The following DVL3 variants were observed in gnomAD, a reference collection of about 807,000 sequenced individuals.
DVL3 encodes the protein segment polarity protein dishevelled homolog DVL-3.
DVL3 carries 27 observed loss-of-function variants against 67.4 expected under a neutral mutation model. The observed-to-expected ratio is 0.40, with a 90% CI of 0.30 to 0.55. The LOEUF (loss-of-function observed/expected upper bound fraction) is 0.55. DVL3 is among the 20% of genes least tolerant of loss of function. The pLI is 0.46. For synonymous variants in DVL3, 369 were observed against 396.8 expected (o/e 0.93, Z 0.83); for missense variants, 819 against 1,021.5 (o/e 0.80, Z 2.70).
At chr3:184,156,492 G>A (rs181685831) in intron 1 of DVL3, 22 of 456,704 alleles carry the variant, frequency 4.8e-5, no homozygotes, top group African/African-American at 4.0e-4. Context: ...TCCAGTTGGT[G>A]GCCAGTGGAG....
Position 184,155,378 on chromosome 3 carries a change from G to C in DVL3, c.-258G>C, listed in dbSNP as rs2109016527. 6.7e-6 allele frequency: 1 copy of C among 149,880 alleles called. No homozygotes were observed. The highest frequency in any genetic ancestry group is 1.9e-4 in the South Asian group (1 of 5,248). The allele number at this position is 149,880 out of a possible 1,614,324, so 9.3% of individuals were successfully genotyped here. A position where few individuals can be genotyped will look rare whatever the true frequency, so the allele number is the denominator to read the frequency against. On this transcript the variant is annotated 5_prime_UTR_variant, in exon 1 of 15. Transcript: ENST00000313143. This position sits in a 1 kb window ranked among gnomAD's most constrained non-coding sequence, Gnocchi z 5.4. ...GGGAGCGGGCCCGGACGAAGCCCTG[G>C]GCCGGGAGGGCCGCGGCCACCGGAA...
chr3:184,166,903 G>A lies in DVL3; in HGVS notation c.1126G>A (p.Gly376Ser), dbSNP rs765766078. Residue 376 changes from glycine (G) to serine (S), a missense_variant, in exon 11 of 15, where the codon GGC becomes AGC. Physicochemically the swap from Gly to Ser is moderately conservative, Grantham distance 56. This residue lies in a region of DVL3 where 110 missense variants were observed against 203.4 expected (regional missense o/e 0.54). Transcript: ENST00000313143. The surrounding 1 kb of genome is among the most constrained non-coding windows in gnomAD (Gnocchi z 6.7). ...CATGACCGGCACCTTCCCTGCATAC[G>A]GCATGAGCCCCTCCCTGAGCACCAT... ...AAMTGTFPAY[G>S]MSPSLSTITS... is the part of the protein sequence containing the mutation. The A allele has an allele frequency of 4.3e-6, 7 of 1,614,028 alleles. No individual in the cohort carries two copies. The highest frequency in any genetic ancestry group is 2.2e-5 in the East Asian group (1 of 44,862).
chr3:184,165,174 C>T lies in DVL3; in HGVS notation c.661C>T (p.Arg221Trp), dbSNP rs76594728. 6.2e-6 allele frequency: 10 copies of T among 1,602,990 alleles called. No homozygotes were observed. Among genetic ancestry groups the T allele is most frequent in the East Asian group, 2.2e-5 (1 of 44,804 alleles). Residue 221 changes from arginine (R) to tryptophan (W), a missense_variant, in exon 6 of 15, where the codon CGG becomes TGG. Physicochemically the swap from Arg to Trp is moderately radical, Grantham distance 101. Around this residue, in one of 3 missense-constraint regions of DVL3, gnomAD observed 385 missense variants for 486.8 expected, o/e 0.79. Coordinates refer to ENST00000313143, the MANE Select transcript of DVL3 (RefSeq NM_004423.4). This position sits in a 1 kb window ranked among gnomAD's most constrained non-coding sequence, Gnocchi z 4.1. ...SRLMRRHKRR[R>W]RKQKVSRIER... ...CCTGATGAGAAGACACAAGCGGCGG[C>T]GGCGGAAGCAGAAGGTTTCTCGGAT...
rs1037961081 is a variant in DVL3, at chr3:184,167,041, C to G, written c.1198+66C>G. On this transcript the variant is annotated intron_variant, in intron 11 of 14. Coordinates refer to ENST00000313143, the MANE Select transcript of DVL3 (RefSeq NM_004423.4). This position sits in a 1 kb window ranked among gnomAD's most constrained non-coding sequence, Gnocchi z 4.6. ...CCAGGTGGGGGGACTGATGAGGGTC[C>G]ATGTGGAGACTCTTGCTTGAGCATC... The G allele has an allele frequency of 5.1e-6, 8 of 1,563,352 alleles. No individual in the cohort carries two copies. In the African/African-American group the frequency reaches 1.1e-4, roughly 21 times the overall value.
intron 1 of DVL3, among the ~76,000 whole-genome samples, chr3:184,162,504 G>A (rs1275906009): frequency 6.6e-6 from 1 of 151,504 alleles, no homozygotes; most frequent in African/African-American, 2.4e-5. Context: ...TATCATAATG[G>A]CATGTGGAAA....
Position 184,171,637 on chromosome 3 carries a change from G to A in DVL3, c.*882G>A. ...GGAGGCCCAGCCTCCGAGGAGACCA[G>A]GAACCCTGCTTCAGCAGCCCCTCAG... On this transcript the variant is annotated 3_prime_UTR_variant, in exon 15 of 15. Transcript: ENST00000313143. 1.0e-6 allele frequency: 1 copy of A among 980,392 alleles called. No individual in the cohort carries two copies. Among genetic ancestry groups the A allele is most frequent in the Non-Finnish European group, 1.2e-6 (1 of 824,938 alleles). The allele number at this position is 980,392 out of a possible 1,614,324, so 60.7% of individuals were successfully genotyped here. A position where few individuals can be genotyped will look rare whatever the true frequency, so the allele number is the denominator to read the frequency against.
In DVL3 at chr3:184,171,069, A is replaced by C; in HGVS notation, c.*314A>C. 6 of 1,259,740 alleles carry C rather than the reference A, an allele frequency of 4.8e-6. No homozygotes were observed. The highest frequency in any genetic ancestry group is 4.4e-5 in the East Asian group (1 of 22,584). The allele number at this position is 1,259,740 out of a possible 1,614,324, so 78.0% of individuals were successfully genotyped here. A position where few individuals can be genotyped will look rare whatever the true frequency, so the allele number is the denominator to read the frequency against. On this transcript the variant is annotated 3_prime_UTR_variant, in exon 15 of 15. Coordinates refer to ENST00000313143, the MANE Select transcript of DVL3 (RefSeq NM_004423.4). ...CCCCTTACTCCCCTCTGCAACCCCC[A>C]TTTTGGGAGTTGACCCCAGCAATGA...
intron 1 of DVL3, among the ~76,000 whole-genome samples, chr3:184,162,748 A>G (rs1237674255): frequency 3.9e-5 from 6 of 152,010 alleles, no homozygotes; most frequent in Admixed American, 3.9e-4. Context: ...GCTTGACTCC[A>G]AAATCCATAC....
At position 184,166,044 on chromosome 3, in the gene DVL3, C is replaced by T. The variant is rs958858627; in HGVS notation, c.764-82C>T. The T allele has an allele frequency of 1.1e-5, 17 of 1,533,526 alleles. No individual in the cohort carries two copies. Among genetic ancestry groups the T allele is most frequent in the African/African-American group, 2.8e-5 (2 of 72,098 alleles). The allele number at this position is 1,533,526 out of a possible 1,614,324, so 95.0% of individuals were successfully genotyped here. A position where few individuals can be genotyped will look rare whatever the true frequency, so the allele number is the denominator to read the frequency against. On this transcript the variant is annotated intron_variant, in intron 7 of 14. Transcript: ENST00000313143. This position sits in a 1 kb window ranked among gnomAD's most constrained non-coding sequence, Gnocchi z 6.7. Reference sequence around the variant, plus strand: ...GGATCAGCAAATGTCAGTTCAGTTCCTGTCCCTTTCCATTTTCTAATGGGC... The same window carrying T: ...GGATCAGCAAATGTCAGTTCAGTTCTTGTCCCTTTCCATTTTCTAATGGGC...
In DVL3 at chr3:184,170,011, G is replaced by A. The variant is rs574269500; in HGVS notation, c.1504G>A (p.Ala502Thr). 4.4e-6 allele frequency: 7 copies of A among 1,604,482 alleles called. No individual in the cohort carries two copies. Among genetic ancestry groups the A allele is most frequent in the South Asian group, 3.3e-5 (3 of 90,190 alleles). ...YIFGDLCGNMANLSLHDHDGS... is the reference protein window; with the variant it reads ...YIFGDLCGNMTNLSLHDHDGS... The stretch of plus-strand genomic sequence containing the variant: ...TCCGGCCCTCCCCTTCACAGACATG[G>A]CCAACCTGTCTCTCCACGATCACGA... The change falls in exon 14 of 15, where the codon GCC becomes ACC. Residue 502 changes from alanine to threonine, a missense_variant. Around this residue, in one of 3 missense-constraint regions of DVL3, gnomAD observed 324 missense variants for 331.3 expected, o/e 0.98. Coordinates refer to ENST00000313143, the MANE Select transcript of DVL3 (RefSeq NM_004423.4). The surrounding 1 kb of genome is among the most constrained non-coding windows in gnomAD (Gnocchi z 6.5).
chr3:184,166,995 T>C lies in DVL3; in HGVS notation c.1198+20T>C, dbSNP rs1369949388. The C allele has an allele frequency of 6.2e-7, 1 of 1,612,862 alleles. No individual in the cohort carries two copies. The highest frequency in any genetic ancestry group is 2.2e-5 in the East Asian group (1 of 44,884). On this transcript the variant is annotated intron_variant, in intron 11 of 14. Coordinates refer to ENST00000313143, the MANE Select transcript of DVL3 (RefSeq NM_004423.4). The surrounding 1 kb of genome is among the most constrained non-coding windows in gnomAD (Gnocchi z 6.7). ...CAGAGCGTGAGTGTCCCACCCTGTCTCCTGGGCCCAGCAGACAGGGCCAGG... is the reference window on the plus strand; with the variant it reads ...CAGAGCGTGAGTGTCCCACCCTGTCCCCTGGGCCCAGCAGACAGGGCCAGG...
Position 184,166,837 on chromosome 3 carries a change from C to T in DVL3, c.1060C>T (p.Arg354Trp), listed in dbSNP as rs201442250. 5.0e-6 allele frequency: 8 copies of T among 1,614,006 alleles called. No homozygotes were observed. In the Admixed American group the frequency reaches 8.3e-5, roughly 17 times the overall value. Residue 354 changes from arginine (R) to tryptophan (W), a missense_variant, in exon 11 of 15, where the codon CGG (arginine) becomes TGG (tryptophan). Coordinates refer to ENST00000313143, the MANE Select transcript of DVL3 (RefSeq NM_004423.4). This position sits in a 1 kb window ranked among gnomAD's most constrained non-coding sequence, Gnocchi z 6.7. ...CFTLPRSEPI[R>W]PIDPAAWVSH... The stretch of plus-strand genomic sequence containing the variant: ...CATCCTCCCTGCAGGCGAGCCCATC[C>T]GGCCCATTGACCCTGCGGCCTGGGT...
chr3:184,164,496 C>T lies in DVL3; in HGVS notation c.358C>T (p.His120Tyr), dbSNP rs1714494923. Residue 120 changes from histidine (H) to tyrosine (Y), a missense_variant, in exon 4 of 15, where the codon CAT (histidine) becomes TAT (tyrosine). By Grantham distance (83) the His-to-Tyr change is moderately conservative. This residue lies in a region of DVL3 where 385 missense variants were observed against 486.8 expected (regional missense o/e 0.79). Transcript: ENST00000313143. The surrounding 1 kb of genome is among the most constrained non-coding windows in gnomAD (Gnocchi z 5.3). ...GDSRPPSFHP[H>Y]AGGGSQENLD... ...CATCAAGTCTCTTCCCTGCAGCCCT[C>T]ATGCTGGTGGGGGCAGCCAGGAGAA... 6.3e-7 allele frequency: 1 copy of T among 1,597,008 alleles called. No homozygotes were observed.
rs1455905933 is a variant in DVL3 at position 184,173,290 on chromosome 3, T to A, written c.*2535T>A. On this transcript the variant is annotated 3_prime_UTR_variant, in exon 15 of 15. Coordinates refer to ENST00000313143, the MANE Select transcript of DVL3 (RefSeq NM_004423.4). The stretch of plus-strand genomic sequence containing the variant: ...TTACATTCCTTCTTCCCATATCTTA[T>A]CAGCATATCATATCCATTTCACTCC... 2 of 152,226 alleles carry A rather than the reference T, an allele frequency of 1.3e-5. No homozygotes were observed. Among genetic ancestry groups the A allele is most frequent in the South Asian group, 4.1e-4 (2 of 4,834 alleles). The allele number at this position is 152,226 out of a possible 1,614,324, so 9.4% of individuals were successfully genotyped here. A position where few individuals can be genotyped will look rare whatever the true frequency, so the allele number is the denominator to read the frequency against.
rs1021896193 is a variant in DVL3, at chr3:184,164,998, G to A, written c.599+67G>A. ...TGGAGGAGCCCTAAACCCTGAGGAT[G>A]CGGGGCCCCTGGGAGGCTTATGGGC... is the stretch of plus-strand genomic sequence containing the variant. On this transcript the variant is annotated intron_variant, in intron 5 of 14. Transcript: ENST00000313143. The surrounding 1 kb of genome is among the most constrained non-coding windows in gnomAD (Gnocchi z 5.3). 3 of 1,610,756 alleles carry A rather than the reference G, an allele frequency of 1.9e-6. No homozygotes were observed. Among genetic ancestry groups the A allele is most frequent in the South Asian group, 1.1e-5 (1 of 90,922 alleles).
In DVL3 at chr3:184,164,652, C is replaced by T. The variant is rs760470856; in HGVS notation, c.463+51C>T. 5 of 1,552,040 alleles carry T rather than the reference C, an allele frequency of 3.2e-6. No individual in the cohort carries two copies. The African/African-American group carries it at 6.8e-5, about 21-fold the overall frequency. ...GTCCGCACCTCACACCCTCCCCTCA[C>T]TTTCCACCCAGCTACCCACCTTCTT... is the stretch of plus-strand genomic sequence containing the variant. On this transcript the variant is annotated intron_variant, in intron 4 of 14. Transcript: ENST00000313143. The surrounding 1 kb of genome is among the most constrained non-coding windows in gnomAD (Gnocchi z 5.3).
At position 184,170,028 on chromosome 3, in the gene DVL3, C is replaced by A; in HGVS notation, c.1521C>A (p.His507Gln). Residue 507 changes from histidine to glutamine, a missense_variant, in exon 14 of 15, where the codon CAC (histidine) becomes CAA (glutamine). This residue lies in a region of DVL3 where 324 missense variants were observed against 331.3 expected (regional missense o/e 0.98). Transcript: ENST00000313143. The surrounding 1 kb of genome is among the most constrained non-coding windows in gnomAD (Gnocchi z 6.5). ...LCGNMANLSL[H>Q]DHDGSSGASD... is the part of the protein sequence containing the mutation. ...CAGACATGGCCAACCTGTCTCTCCA[C>A]GATCACGATGGCTCCAGTGGCGCCT... The A allele has an allele frequency of 6.2e-7, 1 of 1,609,886 alleles. No individual in the cohort carries two copies. Among genetic ancestry groups the A allele is most frequent in the Non-Finnish European group, 8.5e-7 (1 of 1,177,192 alleles).
Position 184,164,855 on chromosome 3 carries a change from A to C in DVL3, c.523A>C (p.Ser175Arg). Residue 175 changes from serine to arginine, a missense_variant, in exon 5 of 15, where the codon AGC (serine) becomes CGC (arginine). Around this residue, in one of 3 missense-constraint regions of DVL3, gnomAD observed 385 missense variants for 486.8 expected, o/e 0.79. Transcript: ENST00000313143. The surrounding 1 kb of genome is among the most constrained non-coding windows in gnomAD (Gnocchi z 5.3). ...ERRREPGGYD[S>R]SSTLMSSELE... ...GCGGCGAGAACCAGGGGGTTATGAT[A>C]GCTCATCCACCCTTATGAGCAGTGA... The C allele has an allele frequency of 6.2e-7, 1 of 1,614,208 alleles. No homozygotes were observed. Among genetic ancestry groups the C allele is most frequent in the South Asian group, 1.1e-5 (1 of 91,074 alleles).
At position 184,167,900 on chromosome 3, in the gene DVL3, T is replaced by G. The variant is rs1362671036; in HGVS notation, c.1333T>G (p.Ser445Ala). The G allele has an allele frequency of 6.2e-7, 1 of 1,614,232 alleles. No individual in the cohort carries two copies. Among genetic ancestry groups the G allele is most frequent in the Non-Finnish European group, 8.5e-7 (1 of 1,180,040 alleles). The change falls in exon 13 of 15, where the codon TCA (serine) becomes GCA (alanine). Residue 445 changes from serine (S) to alanine (A), a missense_variant and splice_region_variant. This residue lies in a region of DVL3 where 110 missense variants were observed against 203.4 expected (regional missense o/e 0.54). Transcript: ENST00000313143. The surrounding 1 kb of genome is among the most constrained non-coding windows in gnomAD (Gnocchi z 4.6). ...TCAACTGGCAGCCTTGTCCCCAGGC[T>G]CAGATGTGGTGGACTGGCTGTACCA... ...KITIPNAFIG[S>A]DVVDWLYHNV...
Sources: allele counts gnomAD v4.1 joint callset (sites outside exome capture counted in the v4.1 genomes callset), GRCh38; gene constraint gnomAD v4.1.1; regional missense constraint gnomAD v4.1.1; non-coding constraint Gnocchi (gnomAD v3.1); transcripts MANE v1.5; gene names NCBI Gene and HGNC (gene_info 2026-07-23, HGNC 2026-07-21).